The following FAM131A variants were observed in gnomAD, a reference collection of about 807,000 sequenced individuals.
The protein encoded by FAM131A is family with sequence similarity 131 member A.
FAM131A carries 24 observed loss-of-function variants against 39.2 expected under a neutral mutation model. The observed-to-expected ratio is 0.61, with a 90% CI of 0.44 to 0.86. The LOEUF (loss-of-function observed/expected upper bound fraction) is 0.86. Ranked by LOEUF, FAM131A falls within the 40% of genes least tolerant of loss-of-function variation. FAM131A has a pLI of 0.00. For missense variants in FAM131A, 373 were observed against 481.2 expected, an observed-to-expected ratio of 0.78 and a Z score of 2.10; for synonymous variants, 202 against 206.8, an observed-to-expected ratio of 0.98 and a Z score of 0.20.
chr3:184,336,874 G>C (rs1727136662), upstream of FAM131A, among the ~76,000 whole-genome samples: 1 of 152,216 alleles, frequency 6.6e-6, no homozygotes, highest in African/African-American at 2.4e-5. The surrounding 1 kb of genome is among the most constrained non-coding windows in gnomAD (Gnocchi z 5.5). Flanking sequence ...ATGCACACCG[G>C]GCCTGGCCGT....
chr3:184,337,348 T>C (rs1438328728), upstream of FAM131A: 4 of 347,888 alleles, frequency 1.1e-5, no homozygotes, highest in Non-Finnish European at 1.1e-5. Context: ...GGCTCAGGGA[T>C]AGAGACGGCT....
chr3:184,337,808 T>C (rs752515459), intron 1 of FAM131A, 90 bp downstream of exon 1: 3 of 1,304,442 alleles, frequency 2.3e-6, no homozygotes, highest in Non-Finnish European at 3.2e-6. Flanking sequence ...TACTCTGGCT[T>C]AGATATTAAG....
Position 184,344,915 on chromosome 3 carries a change from C to G in FAM131A, c.1046C>G (p.Ala349Gly), listed in dbSNP as rs141220191. 6 of 1,605,530 alleles carry G rather than the reference C, an allele frequency of 3.7e-6. No homozygotes were observed. The highest frequency in any genetic ancestry group is 2.5e-6 in the Non-Finnish European group (3 of 1,179,044). The change falls in exon 6 of 6, where the codon GCC (alanine) becomes GGC (glycine). Residue 349 changes from alanine (A) to glycine (G), a missense_variant. Coordinates refer to ENST00000383847, the MANE Select transcript of FAM131A (RefSeq NM_144635.5). ...CGGCAGCGGCAAGCCTCTGACCTGG[C>G]CTCTTCTGGGGTGGTGTCCTTAGAT... ...WERQRQASDL[A>G]SSGVVSLDED...
At chr3:184,337,410 G>A (rs1727168413), upstream of FAM131A, 1 of 571,600 alleles carries the variant, frequency 1.7e-6, no homozygotes, top group African/African-American at 1.9e-5. Context: ...CACTGTCTAG[G>A]GAATGGGCCT....
At position 184,344,897 on chromosome 3, in the gene FAM131A, G is replaced by T; in HGVS notation, c.1028G>T (p.Arg343Leu). 1 of 1,608,672 alleles carries T rather than the reference G, an allele frequency of 6.2e-7. No individual in the cohort carries two copies. The change falls in exon 6 of 6, where the codon CGG becomes CTG. Residue 343 changes from arginine to leucine, a missense_variant. This residue lies in a region of FAM131A where 152 missense variants were observed against 133.5 expected (regional missense o/e 1.14). Coordinates refer to ENST00000383847, the MANE Select transcript of FAM131A (RefSeq NM_144635.5). ...CTAACGGGCAGCTGGGAACGGCAGC[G>T]GCAAGCCTCTGACCTGGCCTCTTCT... Reference protein sequence around the residue: ...PPLTGSWERQRQASDLASSGV... With the variant: ...PPLTGSWERQLQASDLASSGV...
chr3:184,344,973 C>A lies in FAM131A; in HGVS notation c.*3C>A, dbSNP rs1421923551. Reference sequence around the variant, plus strand: ...AGGCAGAGCCAGAGGAACAGTGACCCACATCATGCCTGGCAGTGGCATGCA... The same window carrying A: ...AGGCAGAGCCAGAGGAACAGTGACCAACATCATGCCTGGCAGTGGCATGCA... On this transcript the variant is annotated 3_prime_UTR_variant, in exon 6 of 6. Transcript: ENST00000383847. 6.5e-7 allele frequency: 1 copy of A among 1,534,486 alleles called. No individual in the cohort carries two copies. Among genetic ancestry groups the A allele is most frequent in the African/African-American group, 1.4e-5 (1 of 73,216 alleles).
At chr3:184,337,773 G>C in intron 1 of FAM131A, 55 bp downstream of exon 1, 3 of 1,495,928 alleles carry the variant, frequency 2.0e-6, no homozygotes, top group Non-Finnish European at 2.7e-6. Context: ...CTGAGCAGTA[G>C]GGTGCTTAGG....
chr3:184,342,708 C>T lies in FAM131A; in HGVS notation c.509-36C>T, dbSNP rs1468588174. On this transcript the variant is annotated intron_variant, in intron 4 of 5. Transcript: ENST00000383847. This position sits in a 1 kb window ranked among gnomAD's most constrained non-coding sequence, Gnocchi z 4.6. ...TTCAAGCTGAGCCCTAGACTTAGCT[C>T]ACCTTCTCTGCTTATGCATTCTGTC... 5 of 1,578,366 alleles carry T rather than the reference C, an allele frequency of 3.2e-6. No homozygotes were observed. Among genetic ancestry groups the T allele is most frequent in the East Asian group, 2.3e-5 (1 of 44,390 alleles).
At chr3:184,338,033 TG>T (rs563777024) in intron 1 of FAM131A, among the ~76,000 whole-genome samples, 1 of 151,474 alleles carries the variant, frequency 6.6e-6, no homozygotes, top group Non-Finnish European at 1.5e-5. Context: ...GTGGCGGTGG[TG>T]GGGGGGACAG....
upstream of FAM131A, among the ~76,000 whole-genome samples, chr3:184,336,809 G>T (rs1309067022): frequency 6.6e-6 from 1 of 152,152 alleles, no homozygotes; most frequent in Admixed American, 6.5e-5. This position sits in a 1 kb window ranked among gnomAD's most constrained non-coding sequence, Gnocchi z 5.5. Context: ...AGGCCATCAG[G>T]GCTTCCTTCC....
Position 184,342,361 on chromosome 3 carries a change from G to A in FAM131A, c.508+113G>A. On this transcript the variant is annotated intron_variant, in intron 4 of 5. Transcript: ENST00000383847. This position sits in a 1 kb window ranked among gnomAD's most constrained non-coding sequence, Gnocchi z 4.6. ...CTCACTCTGTCGCCCAGGCTGGAGT[G>A]CAGTGATGCAATCTCAGCTCACTGC... 7.8e-7 allele frequency: 1 copy of A among 1,288,370 alleles called. No homozygotes were observed. Among genetic ancestry groups the A allele is most frequent in the Non-Finnish European group, 1.0e-6 (1 of 965,044 alleles). The allele number at this position is 1,288,370 out of a possible 1,614,324, so 79.8% of individuals were successfully genotyped here. A position where few individuals can be genotyped will look rare whatever the true frequency, so the allele number is the denominator to read the frequency against.
rs770440803 is a variant in FAM131A at position 184,341,747 on chromosome 3, G to A, written c.255G>A (p.Ala85=). Residue 85 remains alanine, a synonymous_variant, in exon 3 of 6, where the codon GCG becomes GCA. Transcript: ENST00000383847. ...AGGTGAATGTTGGAGACACAGTCGC[G>A]ATGCTGCCCAAGTCCCGGCGAGCCC... is the stretch of plus-strand genomic sequence containing the variant. ...LPEVNVGDTV[A]MLPKSRRALT... The A allele has an allele frequency of 1.3e-5, 21 of 1,610,502 alleles. No individual in the cohort carries two copies. Among genetic ancestry groups the A allele is most frequent in the Non-Finnish European group, 1.4e-5 (17 of 1,180,002 alleles).
In FAM131A at chr3:184,342,680, G is replaced by A; in HGVS notation, c.509-64G>A. 6.9e-7 allele frequency: 1 copy of A among 1,439,096 alleles called. No homozygotes were observed. The highest frequency in any genetic ancestry group is 9.7e-7 in the Non-Finnish European group (1 of 1,032,000). 89.1% of individuals were successfully genotyped at this position (1,439,096 alleles called of 1,614,324 possible). ...CCATACCCTGTTTCTCCTCTCTCCTGTCTTCAAGCTGAGCCCTAGACTTAG... is the reference window on the plus strand; with the variant it reads ...CCATACCCTGTTTCTCCTCTCTCCTATCTTCAAGCTGAGCCCTAGACTTAG... On this transcript the variant is annotated intron_variant, in intron 4 of 5. Coordinates refer to ENST00000383847, the MANE Select transcript of FAM131A (RefSeq NM_144635.5). The surrounding 1 kb of genome is among the most constrained non-coding windows in gnomAD (Gnocchi z 4.6).
In FAM131A at chr3:184,342,769, G is replaced by A. The variant is rs537556690; in HGVS notation, c.534G>A (p.Ala178=). Residue 178 remains alanine, a synonymous_variant, in exon 5 of 6, where the codon GCG becomes GCA. Transcript: ENST00000383847. This position sits in a 1 kb window ranked among gnomAD's most constrained non-coding sequence, Gnocchi z 4.6. ...GAGTGGCTGAGCAGTTTGCCATCGC[G>A]GAAGCCAAGCTCCGAGCATGGTCTT... The part of the protein sequence containing the change: ...AAGVAEQFAI[A]EAKLRAWSSV... The A allele has an allele frequency of 1.4e-5, 22 of 1,613,466 alleles. No homozygotes were observed. In the South Asian group the frequency reaches 1.4e-4, roughly 10 times the overall value.
At chr3:184,341,946 G>A (rs1727400630) in intron 3 of FAM131A, 120 bp from the exon 4 acceptor site, 1 of 1,500,426 alleles carries the variant, frequency 6.7e-7, no homozygotes. Flanking sequence ...GTGAATCTCA[G>A]CCCCTTCTCC....
Position 184,346,254 on chromosome 3 carries a change from T to C in FAM131A, c.*1284T>C, listed in dbSNP as rs574650604. On this transcript the variant is annotated 3_prime_UTR_variant, in exon 6 of 6. Transcript: ENST00000383847. This position sits in a 1 kb window ranked among gnomAD's most constrained non-coding sequence, Gnocchi z 6.0. ...AAGAATTTGTTTTATTAAATTAATA[T>C]AAAAATCTTTGTAAATCTCTATATA... 3 of 284,372 alleles carry C rather than the reference T, an allele frequency of 1.1e-5. No individual in the cohort carries two copies. The highest frequency in any genetic ancestry group is 2.0e-5 in the Non-Finnish European group (3 of 147,556). 17.6% of individuals were successfully genotyped at this position (284,372 alleles called of 1,614,324 possible). A position where few individuals can be genotyped will look rare whatever the true frequency, so the allele number is the denominator to read the frequency against.
At position 184,338,368 on chromosome 3, in the gene FAM131A, C is replaced by G. The variant is rs909044850; in HGVS notation, c.89-19C>G. The stretch of plus-strand genomic sequence containing the variant: ...CAGAAGTAGGGGCACAGCTCAACAG[C>G]CTTTCCCCTTCCTCTCAGTGTCCTC... On this transcript the variant is annotated intron_variant, in intron 1 of 5. Coordinates refer to ENST00000383847, the MANE Select transcript of FAM131A (RefSeq NM_144635.5). The G allele has an allele frequency of 1.4e-6, 2 of 1,430,140 alleles. No individual in the cohort carries two copies. Among genetic ancestry groups the G allele is most frequent in the East Asian group, 5.2e-5 (2 of 38,412 alleles). The allele number at this position is 1,430,140 out of a possible 1,614,324, so 88.6% of individuals were successfully genotyped here. A position where few individuals can be genotyped will look rare whatever the true frequency, so the allele number is the denominator to read the frequency against.
rs1727437290 is a variant in FAM131A at position 184,342,657 on chromosome 3, A to G, written c.509-87A>G. 5 of 1,221,504 alleles carry G rather than the reference A, an allele frequency of 4.1e-6. No individual in the cohort carries two copies. In the South Asian group the frequency reaches 6.7e-5, roughly 16 times the overall value. 75.7% of individuals were successfully genotyped at this position (1,221,504 alleles called of 1,614,324 possible). A position where few individuals can be genotyped will look rare whatever the true frequency, so the allele number is the denominator to read the frequency against. The stretch of plus-strand genomic sequence containing the variant: ...CTGACATGGGGGTTGGAGTCTTCCC[A>G]TACCCTGTTTCTCCTCTCTCCTGTC... On this transcript the variant is annotated intron_variant, in intron 4 of 5. Coordinates refer to ENST00000383847, the MANE Select transcript of FAM131A (RefSeq NM_144635.5). This position sits in a 1 kb window ranked among gnomAD's most constrained non-coding sequence, Gnocchi z 4.6.
In FAM131A at chr3:184,344,545, G is replaced by A. The variant is rs369360133; in HGVS notation, c.676G>A (p.Gly226Ser). The change falls in exon 6 of 6, where the codon GGC (glycine) becomes AGC (serine). Residue 226 changes from glycine (G) to serine (S), a missense_variant. Gly to Ser is a moderately conservative substitution (Grantham distance 56). This residue lies in a region of FAM131A where 221 missense variants were observed against 347.7 expected (regional missense o/e 0.64). Transcript: ENST00000383847. Reference sequence around the variant, plus strand: ...GCCGCACCTCCAGGACCTGTTCACCGGCCACCGGTTCTCCCGGCCTGTGCG... The same window carrying A: ...GCCGCACCTCCAGGACCTGTTCACCAGCCACCGGTTCTCCCGGCCTGTGCG... ...LGPHLQDLFT[G>S]HRFSRPVRQG... 6.3e-6 allele frequency: 10 copies of A among 1,583,766 alleles called. No individual in the cohort carries two copies. Among genetic ancestry groups the A allele is most frequent in the African/African-American group, 4.0e-5 (3 of 74,182 alleles).
Sources: allele counts gnomAD v4.1 joint callset (sites outside exome capture counted in the v4.1 genomes callset), GRCh38; gene constraint gnomAD v4.1.1; regional missense constraint gnomAD v4.1.1; non-coding constraint Gnocchi (gnomAD v3.1); transcripts MANE v1.5; gene names NCBI Gene and HGNC (gene_info 2026-07-23, HGNC 2026-07-21).